Variants in TCERG1 observed in about 807,000 individuals in gnomAD.
TCERG1 encodes TATA box binding protein (TBP)-associated factor, RNA polymerase II, S, 150kD.
In TCERG1, 37 loss-of-function variants were observed where a neutral mutation model predicts 144.7. The observed-to-expected ratio is 0.26, with a 90% CI of 0.20 to 0.34. The LOEUF (loss-of-function observed/expected upper bound fraction) is 0.34, where lower values mean the gene tolerates loss of function less well. Among genes scored for constraint, TCERG1 ranks in the 10% least tolerant of loss-of-function variants. The pLI is 1.00. For synonymous variants in TCERG1, 492 were observed against 458.2 expected (o/e 1.07, Z -0.94); for missense variants, 1,027 against 1,380.7 (o/e 0.74, Z 4.06).
Position 146,498,697 on chromosome 5 carries a change from T to C in TCERG1, c.2433+11T>C. 1 of 1,604,532 alleles carries C rather than the reference T, an allele frequency of 6.2e-7. No homozygotes were observed. The highest frequency in any genetic ancestry group is 8.5e-7 in the Non-Finnish European group (1 of 1,176,370). ...ACCAGAGGTGAGAAGGTAAGATGGT[T>C]TTAGTTCCAGTGGTGTGATTGATGG... On this transcript the variant is annotated intron_variant, in intron 17 of 22. Coordinates refer to ENST00000679501, the MANE Select transcript of TCERG1 (RefSeq NM_001382548.1).
chr5:146,447,364 C>G lies in TCERG1; in HGVS notation c.15C>G (p.Gly5=), dbSNP rs776064523. Reference sequence around the variant, plus strand: ...GGCCCTCTGTAATGGCGGAGCGTGGCGGGGACGGGGGCGAGAGTGAACGAT... The same window carrying G: ...GGCCCTCTGTAATGGCGGAGCGTGGGGGGGACGGGGGCGAGAGTGAACGAT... MAER[G]GDGGESERFN... is the part of the protein sequence containing the mutation. The change falls in exon 1 of 23, where the codon GGC becomes GGG. Residue 5 remains glycine, a synonymous_variant. Transcript: ENST00000679501. 8.7e-6 allele frequency: 14 copies of G among 1,611,156 alleles called. No homozygotes were observed. In the East Asian group the frequency reaches 1.1e-4, roughly 13 times the overall value.
At position 146,459,066 on chromosome 5, in the gene TCERG1, T is replaced by TCAGGCC. The variant is rs778789072; in HGVS notation, c.626_627insCCAGGC (p.Ala241_Gln242dup). 17 of 1,568,044 alleles carry TCAGGCC rather than the reference T, an allele frequency of 1.1e-5. No individual in the cohort carries two copies. In the African/African-American group the frequency reaches 1.9e-4, roughly 17 times the overall value. ...CCCAGGCACAAGCTCAGGCCCAGGC[T>TCAGGCC]CAGGCTCAGGCCCAGGCCCAGGCCC... is the stretch of plus-strand genomic sequence containing the variant. On this transcript the variant is annotated inframe_insertion, in exon 4 of 23. Coordinates refer to ENST00000679501, the MANE Select transcript of TCERG1 (RefSeq NM_001382548.1).
chr5:146,477,426 C>A (rs1186429778), intron 9 of TCERG1, among the ~76,000 whole-genome samples: 1 of 152,112 alleles, frequency 6.6e-6, no homozygotes, highest in Non-Finnish European at 1.5e-5. Context: ...TGCAACCATG[C>A]CACTCTGCAA....
At position 146,503,866 on chromosome 5, in the gene TCERG1, C is replaced by T; in HGVS notation, c.2641C>T (p.Arg881Cys). ...EKEKELERQA[R>C]IEASLRERER... is the part of the protein sequence containing the mutation. ...AGAAAAGGAGCTTGAAAGGCAAGCC[C>T]GCATTGAGGCAAGCCTTCGAGAACG... Residue 881 changes from arginine (R) to cysteine (C), a missense_variant, in exon 19 of 23, where the codon CGC becomes TGC. By Grantham distance (180) the Arg-to-Cys change is radical. Around this residue, in one of 6 missense-constraint regions of TCERG1, gnomAD observed 482 missense variants for 632.6 expected, o/e 0.76. Transcript: ENST00000679501. The T allele has an allele frequency of 6.2e-7, 1 of 1,607,952 alleles. No homozygotes were observed. Among genetic ancestry groups the T allele is most frequent in the African/African-American group, 1.3e-5 (1 of 74,570 alleles).
At chr5:146,450,955 C>G (rs1381926142) in intron 1 of TCERG1, among the ~76,000 whole-genome samples, 4 of 152,200 alleles carry the variant, frequency 2.6e-5, no homozygotes, top group African/African-American at 9.7e-5. Flanking sequence ...TACTCATTCA[C>G]ATCTGAGGAA....
intron 19 of TCERG1, among the ~76,000 whole-genome samples, chr5:146,506,025 C>T (rs952280860): frequency 2.0e-5 from 3 of 152,190 alleles, no homozygotes; most frequent in Non-Finnish European, 4.4e-5. Context: ...GATCCACCCA[C>T]CTCCCAAAGG....
At chr5:146,480,360 G>A (rs371811465) in intron 12 of TCERG1, 2 of 229,744 alleles carry the variant, frequency 8.7e-6, no homozygotes, top group Admixed American at 5.3e-5. Context: ...AATTTATTAG[G>A]TCTCAATTTT....
chr5:146,481,823 TA>T (rs1353302775), intron 13 of TCERG1: 1 of 152,190 alleles, frequency 6.6e-6, no homozygotes, highest in Non-Finnish European at 1.5e-5. Flanking sequence ...ATTCCATGTT[TA>T]CAATTTCACT....
chr5:146,500,061 A>G (rs1767291014), intron 17 of TCERG1: 1 of 152,154 alleles, frequency 6.6e-6, no homozygotes, highest in Non-Finnish European at 1.5e-5. Context: ...TTAAATAGAT[A>G]TGACATCTAA....
In TCERG1 at chr5:146,510,464, C is replaced by T. The variant is rs1202101322; in HGVS notation, c.3170C>T (p.Ser1057Leu). The T allele has an allele frequency of 1.2e-6, 2 of 1,612,904 alleles. No homozygotes were observed. Among genetic ancestry groups the T allele is most frequent in the Non-Finnish European group, 1.7e-6 (2 of 1,179,210 alleles). Residue 1057 changes from serine (S) to leucine (L), a missense_variant, in exon 23 of 23, where the codon TCA (serine) becomes TTA (leucine). By Grantham distance (145) the Ser-to-Leu change is moderately radical. This residue lies in a region of TCERG1 where 133 missense variants were observed against 283.2 expected (regional missense o/e 0.47). Coordinates refer to ENST00000679501, the MANE Select transcript of TCERG1 (RefSeq NM_001382548.1). ...AGATCCAAAAAATTAATCCAAGAAT[C>T]AGATCAGCACCTGAAAGATGTAGAA... ...TYRSKKLIQE[S>L]DQHLKDVEKI...
chr5:146,451,849 GC>G (rs1212251465), intron 1 of TCERG1, among the ~76,000 whole-genome samples: 1 of 150,908 alleles, frequency 6.6e-6, no homozygotes, highest in African/African-American at 2.4e-5. Flanking sequence ...ATGCGGTGGT[GC>G]AATATCGGCT....
intron 4 of TCERG1, among the ~76,000 whole-genome samples, chr5:146,461,706 C>T (rs983120461): frequency 1.1e-4 from 16 of 152,048 alleles, no homozygotes; most frequent in African/African-American, 3.9e-4. Flanking sequence ...TAGCAATTAT[C>T]TGAATACTAT....
At chr5:146,461,053 T>C (rs1763286634) in intron 4 of TCERG1, among the ~76,000 whole-genome samples, 1 of 152,116 alleles carries the variant, frequency 6.6e-6, no homozygotes, top group Non-Finnish European at 1.5e-5. Flanking sequence ...TAGTAGTGCT[T>C]CGTTTTGTTT....
intron 17 of TCERG1, among the ~76,000 whole-genome samples, chr5:146,502,166 G>GT (rs1767536311): frequency 6.6e-6 from 1 of 152,144 alleles, no homozygotes; most frequent in Non-Finnish European, 1.5e-5. Context: ...AAACTGCTGG[G>GT]ATTACAGGCA....
At chr5:146,491,960 A>AC (rs34429561) in intron 15 of TCERG1, among the ~76,000 whole-genome samples, 37,246 of 151,932 alleles carry the variant, frequency 0.25, 5,675 homozygotes, top group East Asian at 0.84. Flanking sequence ...TTTCCCCTCA[A>AC]CCTTTAAAAA....
chr5:146,488,708 C>G (rs1002628094), intron 15 of TCERG1, among the ~76,000 whole-genome samples: 1 of 152,144 alleles, frequency 6.6e-6, no homozygotes, highest in African/African-American at 2.4e-5. Flanking sequence ...TATGATCCAG[C>G]AATCCCCCTA....
Position 146,507,829 on chromosome 5 carries a change from A to G in TCERG1, c.2962-44A>G. On this transcript the variant is annotated intron_variant, in intron 20 of 22. Coordinates refer to ENST00000679501, the MANE Select transcript of TCERG1 (RefSeq NM_001382548.1). The surrounding 1 kb of genome is among the most constrained non-coding windows in gnomAD (Gnocchi z 4.6). ...TGTGCTGCAGTTTGACTCCCTAAGTAAAAGTGAGTTGTATTTATGTTTTTT... is the reference window on the plus strand; with the variant it reads ...TGTGCTGCAGTTTGACTCCCTAAGTGAAAGTGAGTTGTATTTATGTTTTTT... 7.1e-7 allele frequency: 1 copy of G among 1,417,988 alleles called. No individual in the cohort carries two copies. Among genetic ancestry groups the G allele is most frequent in the Non-Finnish European group, 9.8e-7 (1 of 1,018,062 alleles). The allele number at this position is 1,417,988 out of a possible 1,614,324, so 87.8% of individuals were successfully genotyped here.
At chr5:146,462,763 C>G (rs1038812441) in intron 4 of TCERG1, among the ~76,000 whole-genome samples, 2 of 152,102 alleles carry the variant, frequency 1.3e-5, no homozygotes, top group Non-Finnish European at 2.9e-5. Flanking sequence ...GTTAATTCAT[C>G]AAATGAAACC....
rs778748025 is a variant in TCERG1 at position 146,463,651 on chromosome 5, C to T, written c.993C>T (p.Thr331=). The T allele has an allele frequency of 1.2e-5, 20 of 1,614,172 alleles. No homozygotes were observed. In the Admixed American group the frequency reaches 2.0e-4, roughly 16 times the overall value. ...TPAPTATPVQ[T]VPQPHPQTLP... ...CTCCTACAGCCACACCTGTGCAAAC[C>T]GTTCCCCAGCCGCACCCTCAGACGT... The change falls in exon 5 of 23, where the codon ACC becomes ACT. Residue 331 remains threonine, a synonymous_variant. Transcript: ENST00000679501.
Sources: gnomAD v4.1 joint callset for allele counts (sites outside exome capture counted in the v4.1 genomes callset) on GRCh38, gnomAD v4.1.1 for gene constraint, gnomAD v4.1.1 regional missense constraint, Gnocchi (gnomAD v3.1) non-coding constraint, MANE v1.5 for transcripts, NCBI Gene and HGNC (gene_info 2026-07-23, HGNC 2026-07-21) for gene names.